The following NEO1 variants were observed in gnomAD, a reference collection of about 807,000 sequenced individuals.
NEO1 encodes the protein neogenin.
Under a neutral mutation model 159.7 loss-of-function variants are expected in NEO1, and 63 were observed. The ratio of observed to expected loss-of-function variants is 0.39; its 90% CI spans 0.32 to 0.49. The LOEUF (loss-of-function observed/expected upper bound fraction) is 0.49. Ranked by LOEUF, NEO1 falls within the 20% of genes least tolerant of loss-of-function variation. The pLI, the probability that NEO1 is intolerant of heterozygous loss-of-function variation, is 0.85. For synonymous variants in NEO1, 633 were observed against 662.0 expected (o/e 0.96, Z 0.67); for missense variants, 1,615 against 1,831.0 (o/e 0.88, Z 2.15).
chr15:73,111,825 G>A (rs1330683276), intron 1 of NEO1, among the ~76,000 whole-genome samples: 1 of 152,020 alleles, frequency 6.6e-6, no homozygotes, highest in Non-Finnish European at 1.5e-5. Flanking sequence ...GGTAGAGATG[G>A]GGTTTAGACA....
At chr15:73,198,016 C>T (rs1193426297) in intron 7 of NEO1, among the ~76,000 whole-genome samples, 5 of 152,098 alleles carry the variant, frequency 3.3e-5, no homozygotes, top group African/African-American at 9.7e-5. Flanking sequence ...AATATATTTT[C>T]TATTCTTTCA....
At chr15:73,261,242 T>A (rs12708506) in intron 15 of NEO1, among the ~76,000 whole-genome samples, 1 of 151,786 alleles carries the variant, frequency 6.6e-6, no homozygotes, top group South Asian at 2.1e-4. Flanking sequence ...ATTTATTTTA[T>A]GAAAAATGAT....
chr15:73,284,881 C>A (rs2041883031), intron 23 of NEO1, among the ~76,000 whole-genome samples: 1 of 152,154 alleles, frequency 6.6e-6, no homozygotes, highest in Non-Finnish European at 1.5e-5. Context: ...AGCCACTGCG[C>A]CCGGCCCTGT....
At chr15:73,159,363 T>G (rs896327506) in intron 5 of NEO1, among the ~76,000 whole-genome samples, 1 of 152,080 alleles carries the variant, frequency 6.6e-6, no homozygotes, top group Non-Finnish European at 1.5e-5. Flanking sequence ...GAAAGCTAAT[T>G]TGGTCTTTTC....
In NEO1 at chr15:73,116,552, G is replaced by C. The variant is rs779580742; in HGVS notation, c.143G>C (p.Arg48Pro). The part of the protein sequence containing the change: ...SAPQSPGASI[R>P]TFTPFYFLVE... ...TTTATTTTTGTAGGAGCCAGCATTC[G>C]AACGTTCACTCCATTTTATTTTCTG... The change falls in exon 2 of 29, where the codon CGA (arginine) becomes CCA (proline). Residue 48 changes from arginine (R) to proline (P), a missense_variant. Arg to Pro is a moderately radical substitution (Grantham distance 103). Around this residue, in one of 3 missense-constraint regions of NEO1, gnomAD observed 1,018 missense variants for 1,115.4 expected, o/e 0.91. Coordinates refer to ENST00000261908, the MANE Select transcript of NEO1 (RefSeq NM_002499.4). The C allele has an allele frequency of 5.3e-6, 8 of 1,518,662 alleles. No individual in the cohort carries two copies. The South Asian group carries it at 5.5e-5, about 10-fold the overall frequency. The allele number at this position is 1,518,662 out of a possible 1,614,324, so 94.1% of individuals were successfully genotyped here. A position where few individuals can be genotyped will look rare whatever the true frequency, so the allele number is the denominator to read the frequency against.
intron 9 of NEO1, among the ~76,000 whole-genome samples, chr15:73,245,660 T>C (rs762742280): frequency 2.6e-5 from 4 of 151,682 alleles, no homozygotes; most frequent in Admixed American, 1.3e-4. Flanking sequence ...CTGCAAGCTC[T>C]GCCTCCTGGG....
At chr15:73,140,184 T>C (rs1386696628) in intron 5 of NEO1, among the ~76,000 whole-genome samples, 1 of 152,172 alleles carries the variant, frequency 6.6e-6, no homozygotes, top group Non-Finnish European at 1.5e-5. Flanking sequence ...TGAAAACCAC[T>C]GGGGACTCTA....
chr15:73,294,101 G>T (rs149821903), intron 26 of NEO1, among the ~76,000 whole-genome samples: 2 of 152,298 alleles, frequency 1.3e-5, no homozygotes, highest in African/African-American at 4.8e-5. Flanking sequence ...AGGAAGCGAT[G>T]CACAGGAATA....
intron 23 of NEO1, among the ~76,000 whole-genome samples, chr15:73,285,818 A>G (rs2041922719): frequency 6.6e-6 from 1 of 152,062 alleles, no homozygotes; most frequent in Admixed American, 6.5e-5. Flanking sequence ...GCACACCACC[A>G]TCAAATCTGA....
chr15:73,204,989 T>C (rs2037129304), intron 7 of NEO1, among the ~76,000 whole-genome samples: 1 of 152,220 alleles, frequency 6.6e-6, no homozygotes, highest in African/African-American at 2.4e-5. Flanking sequence ...TGATTTTTTG[T>C]CTCTACTCTT....
rs187575508 is a variant in NEO1 at position 73,114,431 on chromosome 15, C to G, written c.131-2109C>G. Among the ~76,000 whole-genome samples, 8 of 152,248 alleles carry G rather than the reference C, an allele frequency of 5.3e-5. No homozygotes were observed. In the South Asian group the frequency reaches 1.0e-3, roughly 20 times the overall value. On this transcript the variant is annotated intron_variant, in intron 1 of 28. Coordinates refer to ENST00000261908, the MANE Select transcript of NEO1 (RefSeq NM_002499.4). ...GCCCTCCTACTGAGAGAACAAAATA[C>G]AAAACGATATACAGAAATATTTAAG...
intron 1 of NEO1, among the ~76,000 whole-genome samples, chr15:73,061,534 C>G (rs1195652125): frequency 1.3e-5 from 2 of 152,132 alleles, no homozygotes; most frequent in Non-Finnish European, 2.9e-5. Flanking sequence ...GGTTCCTACC[C>G]CTCTGGCCAT....
At chr15:73,296,561 A>G (rs1223500508) in intron 26 of NEO1, among the ~76,000 whole-genome samples, 5 of 152,226 alleles carry the variant, frequency 3.3e-5, no homozygotes, top group African/African-American at 1.2e-4. Flanking sequence ...CCAAGGGCAC[A>G]GATTCACTGC....
At chr15:73,271,215 T>G (rs767517517) in intron 18 of NEO1, among the ~76,000 whole-genome samples, 2 of 152,246 alleles carry the variant, frequency 1.3e-5, no homozygotes, top group Non-Finnish European at 2.9e-5. Context: ...ACATCAAAGT[T>G]TAAATAGACC....
chr15:73,204,501 G>T (rs1214188815), intron 7 of NEO1, among the ~76,000 whole-genome samples: 1 of 151,804 alleles, frequency 6.6e-6, no homozygotes, highest in East Asian at 1.9e-4. Flanking sequence ...GCATTTTAGT[G>T]TAGGAAGTTT....
intron 1 of NEO1, among the ~76,000 whole-genome samples, chr15:73,061,735 G>A (rs951946522): frequency 3.3e-5 from 5 of 152,060 alleles, no homozygotes. Context: ...AATAGCTATG[G>A]TCTATTTTAT....
At chr15:73,082,666 A>AGC (rs201150226) in intron 1 of NEO1, among the ~76,000 whole-genome samples, 4 of 30,276 alleles carry the variant, frequency 1.3e-4, no homozygotes, top group Non-Finnish European at 3.0e-4. Flanking sequence ...CAAATAGACT[A>AGC]ACAGTTTTAT....
At chr15:73,161,335 A>AT (rs2034162134) in intron 5 of NEO1, among the ~76,000 whole-genome samples, 1 of 152,118 alleles carries the variant, frequency 6.6e-6, no homozygotes, top group African/African-American at 2.4e-5. Context: ...AGTTTCTAGG[A>AT]TTTTTTATTG....
At chr15:73,175,969 T>C (rs2035261211) in intron 5 of NEO1, among the ~76,000 whole-genome samples, 1 of 152,192 alleles carries the variant, frequency 6.6e-6, no homozygotes, top group African/African-American at 2.4e-5. Context: ...TGACGTTTAT[T>C]TTACTTTGTT....
Sources: gnomAD v4.1 joint callset for allele counts (sites outside exome capture counted in the v4.1 genomes callset) on GRCh38, gnomAD v4.1.1 for gene constraint, gnomAD v4.1.1 regional missense constraint, MANE v1.5 for transcripts, NCBI Gene and HGNC (gene_info 2026-07-23, HGNC 2026-07-21) for gene names.